KCNQ1OT1: variants seen among roughly 807,000 people sequenced by gnomAD.
KCNQ1OT1 encodes KCNQ1 opposite strand/antisense transcript 1.
rs929451706 is a variant in KCNQ1OT1, at chr11:2,659,022, C to T, written n.40973G>A. The stretch of plus-strand genomic sequence containing the variant: ...AAGCAACATATGCCAGCTCCTCCTC[C>T]TCCTTTCCTTTCACTGCTATGTCAT... On this transcript the variant is annotated non_coding_transcript_exon_variant, in exon 1 of 1. Transcript: ENST00000597346. This position sits in a 1 kb window ranked among gnomAD's most constrained non-coding sequence, Gnocchi z 4.3. The T allele has an allele frequency of 5.0e-6, 2 of 398,502 alleles. No homozygotes were observed. The highest frequency in any genetic ancestry group is 8.8e-5 in the Admixed American group (2 of 22,712). The allele number at this position is 398,502 out of a possible 1,614,324, so 24.7% of individuals were successfully genotyped here.
exon 1 of KCNQ1OT1, chr11:2,646,618 G>C (rs996759656): frequency 2.5e-6 from 1 of 398,434 alleles, no homozygotes; most frequent in Admixed American, 4.4e-5. Flanking sequence ...CTTCACCTCC[G>C]AGGTTCAAGT....
At chr11:2,693,942 A>G (rs1564860569) in exon 1 of KCNQ1OT1, 2 of 398,462 alleles carry the variant, frequency 5.0e-6, no homozygotes, top group Middle Eastern at 6.2e-4. Context: ...GCTGAGAACC[A>G]CTCATTCATC....
exon 1 of KCNQ1OT1, chr11:2,650,318 G>GT (rs1018632035): frequency 1.3e-5 from 5 of 398,178 alleles, no homozygotes; most frequent in East Asian, 3.6e-5. Flanking sequence ...ATGTTTTCTT[G>GT]TTTTTTTCCC....
In KCNQ1OT1 at chr11:2,670,697, ATTCT is replaced by A; in HGVS notation, n.29294_29297del. ...AGTGTAGCAGTAACAAGACAAAGGG[ATTCT>A]GTGGCCCATGGAGCAGGAGGGAACA... On this transcript the variant is annotated non_coding_transcript_exon_variant, in exon 1 of 1. Transcript: ENST00000597346. This position sits in a 1 kb window ranked among gnomAD's most constrained non-coding sequence, Gnocchi z 4.9. The A allele has an allele frequency of 7.5e-6, 3 of 398,474 alleles. No individual in the cohort carries two copies. The highest frequency in any genetic ancestry group is 1.3e-5 in the Non-Finnish European group (3 of 226,094). 24.7% of individuals were successfully genotyped at this position (398,474 alleles called of 1,614,324 possible).
chr11:2,641,157 G>C (rs891763835), exon 1 of KCNQ1OT1: 5 of 398,350 alleles, frequency 1.3e-5, no homozygotes, highest in Non-Finnish European at 2.2e-5. Context: ...TTAGTATACT[G>C]ATATCTTTTC....
exon 1 of KCNQ1OT1, chr11:2,680,324 C>CAA (rs34634347): frequency 2.7e-4 from 106 of 389,648 alleles, no homozygotes; most frequent in Admixed American, 9.9e-4. Context: ...TTCCCCACCT[C>CAA]AAAAAAAAAG....
In KCNQ1OT1 at chr11:2,662,232, AG is replaced by A. The variant is rs1379232328; in HGVS notation, n.37762del. The stretch of plus-strand genomic sequence containing the variant: ...TGCCGTCTGCCTGGCCCCAACACGG[AG>A]GCACCAGGCAAGAGAGGAGAGCAAG... On this transcript the variant is annotated non_coding_transcript_exon_variant, in exon 1 of 1. Transcript: ENST00000597346. The A allele has an allele frequency of 3.1e-6, 3 of 982,330 alleles. No homozygotes were observed. In the African/African-American group the frequency reaches 4.9e-5, roughly 16 times the overall value. 60.9% of individuals were successfully genotyped at this position (982,330 alleles called of 1,614,324 possible). A position where few individuals can be genotyped will look rare whatever the true frequency, so the allele number is the denominator to read the frequency against.
chr11:2,632,140 G>A (rs971376502), exon 1 of KCNQ1OT1: 10 of 374,928 alleles, frequency 2.7e-5, no homozygotes, highest in East Asian at 7.4e-5. Context: ...CCGAGATCGC[G>A]CCACTACACT....
At chr11:2,681,344 T>C (rs930163291) in exon 1 of KCNQ1OT1, 18 of 398,404 alleles carry the variant, frequency 4.5e-5, no homozygotes, top group African/African-American at 3.3e-4. Flanking sequence ...CGTCTTTTCC[T>C]TGTAGCTCCC....
rs983323870 is a variant in KCNQ1OT1 at position 2,695,966 on chromosome 11, T to C, written n.4029A>G. 2.0e-5 allele frequency: 8 copies of C among 398,546 alleles called. No individual in the cohort carries two copies. The highest frequency in any genetic ancestry group is 2.7e-5 in the Non-Finnish European group (6 of 226,080). The allele number at this position is 398,546 out of a possible 1,614,324, so 24.7% of individuals were successfully genotyped here. ...GTTGTTCCCTCCTCAGCTTTAATTG[T>C]TTCAAATATCTTGTAATGAGTCATG... is the stretch of plus-strand genomic sequence containing the variant. On this transcript the variant is annotated non_coding_transcript_exon_variant, in exon 1 of 1. Coordinates refer to ENST00000597346, the Ensembl canonical transcript of KCNQ1OT1. The surrounding 1 kb of genome is among the most constrained non-coding windows in gnomAD (Gnocchi z 5.2).
At chr11:2,636,509 C>T (rs1006927205) in exon 1 of KCNQ1OT1, 8 of 152,276 alleles carry the variant, frequency 5.3e-5, no homozygotes, top group Admixed American at 6.5e-5. Context: ...ATATGTTGAA[C>T]CAGCCTTGCA....
rs1849752298 is a variant in KCNQ1OT1 at position 2,651,256 on chromosome 11, T to A, written n.48739A>T. On this transcript the variant is annotated non_coding_transcript_exon_variant, in exon 1 of 1. Coordinates refer to ENST00000597346, the Ensembl canonical transcript of KCNQ1OT1. This position sits in a 1 kb window ranked among gnomAD's most constrained non-coding sequence, Gnocchi z 6.1. ...ACACAGCTTAATTCAGGAATTAAGC[T>A]GTGCTGGTCACTTATTGAGAAAGAG... 2.5e-6 allele frequency: 1 copy of A among 398,572 alleles called. No individual in the cohort carries two copies. Among genetic ancestry groups the A allele is most frequent in the African/African-American group, 2.1e-5 (1 of 48,656 alleles). The allele number at this position is 398,572 out of a possible 1,614,324, so 24.7% of individuals were successfully genotyped here. A position where few individuals can be genotyped will look rare whatever the true frequency, so the allele number is the denominator to read the frequency against.
chr11:2,637,774 A>G (rs1349918621), exon 1 of KCNQ1OT1: 4 of 152,138 alleles, frequency 2.6e-5, no homozygotes, highest in Non-Finnish European at 5.9e-5. Flanking sequence ...GTCTAATGTT[A>G]ACAGTGGGGT....
In KCNQ1OT1 at chr11:2,670,432, A is replaced by G. The variant is rs573232962; in HGVS notation, n.29563T>C. 16 of 397,988 alleles carry G rather than the reference A, an allele frequency of 4.0e-5. No individual in the cohort carries two copies. Among genetic ancestry groups the G allele is most frequent in the Non-Finnish European group, 6.2e-5 (14 of 225,960 alleles). The allele number at this position is 397,988 out of a possible 1,614,324, so 24.7% of individuals were successfully genotyped here. A position where few individuals can be genotyped will look rare whatever the true frequency, so the allele number is the denominator to read the frequency against. On this transcript the variant is annotated non_coding_transcript_exon_variant, in exon 1 of 1. Transcript: ENST00000597346. This position sits in a 1 kb window ranked among gnomAD's most constrained non-coding sequence, Gnocchi z 4.9. ...ATTTCTTGTGTTGGGGTTAGGAGAT[A>G]CTGCTGTTGGCTGAGACACACAGCC...
chr11:2,617,269 ATC>A lies in KCNQ1OT1; in HGVS notation n.82724_82725del. On this transcript the variant is annotated non_coding_transcript_exon_variant, in exon 1 of 1. Coordinates refer to ENST00000597346, the Ensembl canonical transcript of KCNQ1OT1. This position sits in a 1 kb window ranked among gnomAD's most constrained non-coding sequence, Gnocchi z 4.6. ...CCCATGGTAACCACTAGTTTATTCT[ATC>A]TCTGTATATTTGACTTTTTTCTTTT... 2.5e-6 allele frequency: 1 copy of A among 398,284 alleles called. No individual in the cohort carries two copies. Among genetic ancestry groups the A allele is most frequent in the Non-Finnish European group, 4.4e-6 (1 of 225,902 alleles). 24.7% of individuals were successfully genotyped at this position (398,284 alleles called of 1,614,324 possible).
Position 2,671,197 on chromosome 11 carries a change from TA to T in KCNQ1OT1, n.28797del. 1 of 398,324 alleles carries T rather than the reference TA, an allele frequency of 2.5e-6. No individual in the cohort carries two copies. The highest frequency in any genetic ancestry group is 4.4e-6 in the Non-Finnish European group (1 of 226,004). The allele number at this position is 398,324 out of a possible 1,614,324, so 24.7% of individuals were successfully genotyped here. On this transcript the variant is annotated non_coding_transcript_exon_variant, in exon 1 of 1. Transcript: ENST00000597346. This position sits in a 1 kb window ranked among gnomAD's most constrained non-coding sequence, Gnocchi z 4.7. ...TTGTTAGGAGAAAAGGAAAGAAAAA[TA>T]AAAGGTAGAGAGACAGAGGTAGACA...
At position 2,611,437 on chromosome 11, in the gene KCNQ1OT1, C is replaced by T. The variant is rs1031204892; in HGVS notation, n.88558G>A. ...ATGTTGACCAGGCTGGTCTTGAACTCCTGACCTCGAGTGATCTGTCTGCCT... is the reference window on the plus strand; with the variant it reads ...ATGTTGACCAGGCTGGTCTTGAACTTCTGACCTCGAGTGATCTGTCTGCCT... On this transcript the variant is annotated non_coding_transcript_exon_variant, in exon 1 of 1. Coordinates refer to ENST00000597346, the Ensembl canonical transcript of KCNQ1OT1. The surrounding 1 kb of genome is among the most constrained non-coding windows in gnomAD (Gnocchi z 5.3). 3 of 397,766 alleles carry T rather than the reference C, an allele frequency of 7.5e-6. No individual in the cohort carries two copies. Among genetic ancestry groups the T allele is most frequent in the Middle Eastern group, 6.3e-4 (1 of 1,588 alleles). The allele number at this position is 397,766 out of a possible 1,614,324, so 24.6% of individuals were successfully genotyped here. A position where few individuals can be genotyped will look rare whatever the true frequency, so the allele number is the denominator to read the frequency against.
In KCNQ1OT1 at chr11:2,671,332, G is replaced by C. The variant is rs77981756; in HGVS notation, n.28663C>G. 0.014 allele frequency: 5,616 copies of C among 398,490 alleles called. 193 individuals are homozygous for C. Among genetic ancestry groups the C allele is most frequent in the East Asian group, 0.095 (2,672 of 28,068 alleles). 24.7% of individuals were successfully genotyped at this position (398,490 alleles called of 1,614,324 possible). ...CCCATGTGTGGCTGCAGCCTCAGAG[G>C]CTCCCTCTGAAGATGACACTGGGAA... is the stretch of plus-strand genomic sequence containing the variant. On this transcript the variant is annotated non_coding_transcript_exon_variant, in exon 1 of 1. Transcript: ENST00000597346. The surrounding 1 kb of genome is among the most constrained non-coding windows in gnomAD (Gnocchi z 4.7).
chr11:2,656,675 C>T (rs900428180), exon 1 of KCNQ1OT1: 16 of 396,512 alleles, frequency 4.0e-5, no homozygotes, highest in Middle Eastern at 1.2e-3. Flanking sequence ...TTTGTGGGCA[C>T]TGTCTTTTCA....
Sources: allele counts gnomAD v4.1 joint callset, GRCh38; gene constraint gnomAD v4.1.1; non-coding constraint Gnocchi (gnomAD v3.1); transcripts MANE v1.5; gene names NCBI Gene and HGNC (gene_info 2026-07-23, HGNC 2026-07-21).